The following RBFOX1 variants were observed in gnomAD, a reference collection of about 807,000 sequenced individuals.
RBFOX1 encodes RNA binding fox-1 homolog 1, also known as RNA binding protein fox-1 homolog 1.
In RBFOX1, 8 loss-of-function variants were observed where a neutral mutation model predicts 57.7. That is an observed-to-expected ratio of 0.14 (90% CI 0.08 to 0.25). The LOEUF is 0.25. Among genes scored for constraint, RBFOX1 ranks in the 10% least tolerant of loss-of-function variants. RBFOX1 has a pLI of 1.00. For synonymous variants in RBFOX1, 326 were observed against 222.4 expected, an observed-to-expected ratio of 1.47 and a Z score of -4.15; for missense variants, 611 against 548.5, an observed-to-expected ratio of 1.11 and a Z score of -1.14.
At chr16:6,337,283 C>T (rs377178037) in intron 2 of RBFOX1, among the ~76,000 whole-genome samples, 10 of 152,302 alleles carry the variant, frequency 6.6e-5, no homozygotes, top group Admixed American at 1.3e-4. Flanking sequence ...TTAAAGTCGA[C>T]ATGCTGATGC....
intron 1 of RBFOX1, among the ~76,000 whole-genome samples, chr16:5,423,570 A>G (rs2151491642): frequency 6.6e-6 from 1 of 152,202 alleles, no homozygotes; most frequent in South Asian, 2.1e-4. Flanking sequence ...CGTGTCTCTG[A>G]GGCCATTGCT....
chr16:7,542,439 G>C (rs2083200833), intron 5 of RBFOX1, among the ~76,000 whole-genome samples: 1 of 152,040 alleles, frequency 6.6e-6, no homozygotes, highest in Non-Finnish European at 1.5e-5. Flanking sequence ...ACGGGTGCAA[G>C]TGCAGAGGAA....
chr16:6,937,365 T>G (rs1597757731), intron 3 of RBFOX1, among the ~76,000 whole-genome samples: 1 of 152,170 alleles, frequency 6.6e-6, no homozygotes, highest in East Asian at 1.9e-4. Context: ...GATACTTTTC[T>G]TTGTTGGTAT....
chr16:6,906,322 C>T (rs1054032087), intron 3 of RBFOX1, among the ~76,000 whole-genome samples: 2 of 151,500 alleles, frequency 1.3e-5, no homozygotes, highest in East Asian at 3.9e-4. Context: ...AAATTGTATT[C>T]AATTGTGTCT....
At chr16:6,273,340 GT>G (rs544640090) in intron 1 of RBFOX1, among the ~76,000 whole-genome samples, 10,942 of 90,124 alleles carry the variant, frequency 0.12, 272 homozygotes, top group African/African-American at 0.31. Flanking sequence ...GTTGTTGTTG[GT>G]TTTTTTTTTT....
At chr16:6,899,288 AATAC>A (rs779825934) in intron 3 of RBFOX1, among the ~76,000 whole-genome samples, 4 of 152,012 alleles carry the variant, frequency 2.6e-5, no homozygotes, top group South Asian at 2.1e-4. Flanking sequence ...ATGTGTGTAT[AATAC>A]ATATGTGTAT....
At chr16:5,885,467 T>G (rs1323079909) in intron 4 of RBFOX1, among the ~76,000 whole-genome samples, 2 of 152,106 alleles carry the variant, frequency 1.3e-5, no homozygotes, top group East Asian at 3.9e-4. Context: ...AGCTAAAATG[T>G]GAACTTTTGC....
chr16:7,417,418 G>T (rs1464203909), intron 4 of RBFOX1, among the ~76,000 whole-genome samples: 1 of 146,610 alleles, frequency 6.8e-6, no homozygotes, highest in African/African-American at 2.5e-5. Context: ...TGTTCCCCCA[G>T]TTTCCCCAGT....
In RBFOX1 at chr16:5,274,814, C is replaced by T. The variant is rs548733767; in HGVS notation, c.219+34709C>T. Among the ~76,000 whole-genome samples the T allele has an allele frequency of 2.6e-5, 4 of 152,312 alleles. No individual in the cohort carries two copies. The East Asian group carries it at 7.7e-4, about 29-fold the overall frequency. ...GTCTCTGGCAGAGCCAGCCAGGTCT[C>T]CTTACCCTCTGTTTCCCTTTCTGCC... is the stretch of plus-strand genomic sequence containing the variant. On this transcript the variant is annotated intron_variant, in intron 1 of 2. Transcript: ENST00000585867.
At chr16:7,218,667 T>TGTGTGTGTGTGTGC (rs1555586815) in intron 4 of RBFOX1, among the ~76,000 whole-genome samples, 28 of 148,196 alleles carry the variant, frequency 1.9e-4, no homozygotes, top group Admixed American at 6.0e-4. Context: ...TGTGTGTGTG[T>TGTGTGTGTGTGTGC]GTGTGTGTGT....
chr16:5,956,678 A>ATATTTTTTTTTTTT (rs368096576), intron 4 of RBFOX1, among the ~76,000 whole-genome samples: 3 of 116,506 alleles, frequency 2.6e-5, no homozygotes, highest in Admixed American at 1.0e-4. Context: ...ATATATATAT[A>ATATTTTTTTTTTTT]TTTTTTTTGA....
intron 5 of RBFOX1, among the ~76,000 whole-genome samples, chr16:7,575,969 C>T (rs1026305388): frequency 3.3e-5 from 5 of 151,914 alleles, no homozygotes; most frequent in Admixed American, 3.3e-4. Context: ...AGTCTTGCTC[C>T]ATTGCCCAGG....
intron 4 of RBFOX1, chr16:7,304,270 A>G (rs756420658): frequency 3.0e-6 from 3 of 984,442 alleles, no homozygotes; most frequent in Non-Finnish European, 3.6e-6. Context: ...CCGGTCATTG[A>G]CTTAGATAAC....
chr16:6,345,138 T>C (rs1193452775), intron 2 of RBFOX1, among the ~76,000 whole-genome samples: 1 of 152,190 alleles, frequency 6.6e-6, no homozygotes, highest in East Asian at 1.9e-4. Context: ...TGTTCTCTCC[T>C]AGGTAGACTT....
At chr16:6,802,951 C>T (rs1031301248) in intron 3 of RBFOX1, among the ~76,000 whole-genome samples, 1 of 152,136 alleles carries the variant, frequency 6.6e-6, no homozygotes, top group African/African-American at 2.4e-5. Flanking sequence ...GGGAAGATGG[C>T]TTCTTCCACA....
chr16:7,240,795 C>G (rs1446051941), intron 4 of RBFOX1, among the ~76,000 whole-genome samples: 1 of 152,188 alleles, frequency 6.6e-6, no homozygotes, highest in African/African-American at 2.4e-5. Flanking sequence ...GTCTCAAACT[C>G]CTGGACTGAA....
chr16:5,616,626 C>T (rs1029996009), intron 3 of RBFOX1, among the ~76,000 whole-genome samples: 20 of 148,160 alleles, frequency 1.3e-4, no homozygotes, highest in Middle Eastern at 3.4e-3. Flanking sequence ...TTCTCTCTCT[C>T]CCTCCTCCTC....
At chr16:6,353,080 G>T (rs1359157525) in intron 2 of RBFOX1, among the ~76,000 whole-genome samples, 1 of 152,102 alleles carries the variant, frequency 6.6e-6, no homozygotes, top group Non-Finnish European at 1.5e-5. Context: ...CTTCTTTTGA[G>T]AGGATTTCTT....
intron 2 of RBFOX1, among the ~76,000 whole-genome samples, chr16:6,332,039 C>T (rs181323104): frequency 1.7e-4 from 26 of 152,170 alleles, no homozygotes; most frequent in Non-Finnish European, 2.8e-4. Context: ...GCTGTCTCAG[C>T]GGTTTGTGTA....
Sources: allele counts gnomAD v4.1 joint callset (sites outside exome capture counted in the v4.1 genomes callset), GRCh38; gene constraint gnomAD v4.1.1; transcripts MANE v1.5; gene names NCBI Gene and HGNC (gene_info 2026-07-23, HGNC 2026-07-21).